The following ADD3 variants were observed in gnomAD, a reference collection of about 807,000 sequenced individuals.
ADD3 encodes the protein adducin 3, also known as gamma-adducin.
Under a neutral mutation model 80.2 loss-of-function variants are expected in ADD3, and 25 were observed. The observed-to-expected ratio is 0.31, with a 90% CI of 0.23 to 0.44. ADD3 has a LOEUF of 0.44. ADD3 is among the 20% of genes least tolerant of loss of function. The pLI, the probability that ADD3 is intolerant of heterozygous loss-of-function variation, is 1.00. For synonymous variants in ADD3, 284 were observed against 289.6 expected, an observed-to-expected ratio of 0.98 and a Z score of 0.20; for missense variants, 829 against 847.5, an observed-to-expected ratio of 0.98 and a Z score of 0.27.
chr10:110,092,500 A>G (rs887013561), intron 1 of ADD3, among the ~76,000 whole-genome samples: 1 of 152,338 alleles, frequency 6.6e-6, no homozygotes. Context: ...GTTCTCACCT[A>G]TAATGGTAAC....
intron 13 of ADD3, among the ~76,000 whole-genome samples, chr10:110,131,456 G>A (rs1289965024): frequency 2.0e-5 from 3 of 152,094 alleles, no homozygotes; most frequent in Non-Finnish European, 4.4e-5. Context: ...CCAAAAAGAG[G>A]GTAAGGAGCC....
chr10:110,048,349 G>A (rs1051298570), intron 1 of ADD3, among the ~76,000 whole-genome samples: 32 of 152,190 alleles, frequency 2.1e-4, no homozygotes, highest in African/African-American at 7.5e-4. Flanking sequence ...GGCACCAGGA[G>A]TGGGGTGCTG....
chr10:110,122,249 G>A lies in ADD3; in HGVS notation c.1100G>A (p.Gly367Asp), dbSNP rs564185858. The A allele has an allele frequency of 8.7e-6, 14 of 1,614,048 alleles. No homozygotes were observed. The highest frequency in any genetic ancestry group is 1.6e-4 in the Middle Eastern group (1 of 6,062). Residue 367 changes from glycine (G) to aspartate (D), a missense_variant, in exon 9 of 15, where the codon GGC (glycine) becomes GAC (aspartate). Coordinates refer to ENST00000356080, the MANE Select transcript of ADD3 (RefSeq NM_016824.5). ...NMGSHQKWKV[G>D]EIEFEGLMRT... The stretch of plus-strand genomic sequence containing the variant: ...GGTTCCCATCAAAAATGGAAGGTTG[G>A]CGAAATTGAGTTTGAAGGGCTTATG...
At chr10:110,087,210 G>A (rs1159871163) in intron 1 of ADD3, among the ~76,000 whole-genome samples, 2 of 151,950 alleles carry the variant, frequency 1.3e-5, no homozygotes, top group Non-Finnish European at 2.9e-5. Context: ...TGTATTTTTA[G>A]TAGGGATGGA....
At chr10:110,027,748 C>A (rs556446422) in intron 1 of ADD3, among the ~76,000 whole-genome samples, 213 of 152,198 alleles carry the variant, frequency 1.4e-3, no homozygotes, top group South Asian at 3.3e-3. Context: ...TTTGTATGCT[C>A]CCTCTATAAT....
intron 1 of ADD3, among the ~76,000 whole-genome samples, chr10:110,081,989 G>C (rs752869549): frequency 1.3e-5 from 2 of 152,186 alleles, no homozygotes; most frequent in African/African-American, 4.8e-5. Flanking sequence ...CATTTTAAAC[G>C]AGAGAAGGGG....
chr10:110,027,362 C>T (rs1854435026), intron 1 of ADD3, among the ~76,000 whole-genome samples: 1 of 152,066 alleles, frequency 6.6e-6, no homozygotes, highest in Admixed American at 6.5e-5. Context: ...TAGGAAGGCC[C>T]TGAAATAGTA....
At chr10:110,097,131 G>A (rs1214507248) in intron 1 of ADD3, among the ~76,000 whole-genome samples, 1 of 152,206 alleles carries the variant, frequency 6.6e-6, no homozygotes, top group Non-Finnish European at 1.5e-5. Context: ...GTTATACAAT[G>A]TTACTACCTC....
chr10:110,092,075 G>A (rs577579492), intron 1 of ADD3, among the ~76,000 whole-genome samples: 7 of 152,202 alleles, frequency 4.6e-5, no homozygotes, highest in Non-Finnish European at 8.8e-5. Flanking sequence ...TTATTAAAAT[G>A]TCAGAAAATA....
Position 110,112,774 on chromosome 10 carries a change from C to A in ADD3, c.196-3C>A. The A allele has an allele frequency of 6.2e-7, 1 of 1,611,684 alleles. No homozygotes were observed. Among genetic ancestry groups the A allele is most frequent in the South Asian group, 1.1e-5 (1 of 90,570 alleles). On this transcript the variant is annotated splice_polypyrimidine_tract_variant and splice_region_variant and intron_variant, in intron 2 of 14. Transcript: ENST00000356080. ...GCTCAGTCTTTATTTTTGTGTATTA[C>A]AGGCCTTTCGGGAAGACTTGGAATG...
intron 11 of ADD3, 126 bp downstream of exon 11, chr10:110,126,071 A>T: frequency 9.8e-7 from 1 of 1,025,096 alleles, no homozygotes; most frequent in Non-Finnish European, 1.4e-6. Flanking sequence ...AATTTAATTC[A>T]GTATAATTTT....
chr10:110,001,409 T>C (rs1371704947), upstream of ADD3, among the ~76,000 whole-genome samples: 1 of 93,810 alleles, frequency 1.1e-5, no homozygotes, highest in Admixed American at 1.4e-4. Flanking sequence ...AGTAAGACCC[T>C]GTCTCAAAAA....
At chr10:110,005,050 A>G (rs572629842), upstream of ADD3, among the ~76,000 whole-genome samples, 3 of 152,230 alleles carry the variant, frequency 2.0e-5, no homozygotes, top group East Asian at 3.9e-4. Flanking sequence ...TTTTCTATAC[A>G]TAATACTGTA....
intron 1 of ADD3, among the ~76,000 whole-genome samples, chr10:110,031,420 G>T (rs1032115632): frequency 1.3e-4 from 20 of 152,244 alleles, no homozygotes; most frequent in African/African-American, 4.3e-4. Context: ...CGAAGAAACA[G>T]ATTCAGATAC....
chr10:110,037,486 T>C (rs1196452107), intron 1 of ADD3, among the ~76,000 whole-genome samples: 1 of 151,312 alleles, frequency 6.6e-6, no homozygotes, highest in African/African-American at 2.4e-5. Context: ...GCACCTGTAG[T>C]CCCAGCTGCT....
In ADD3 at chr10:110,135,485, A is replaced by G. The variant is rs1428197377; in HGVS notation, c.*1867A>G. ...ATGAACCTCTGTGTCCTGTGGAAAA[A>G]TGTATAAATGTTATCTGATATTGCT... On this transcript the variant is annotated 3_prime_UTR_variant, in exon 15 of 15. Coordinates refer to ENST00000356080, the MANE Select transcript of ADD3 (RefSeq NM_016824.5). 6.6e-6 allele frequency: 1 copy of G among 152,628 alleles called. No homozygotes were observed. Among genetic ancestry groups the G allele is most frequent in the African/African-American group, 2.4e-5 (1 of 41,446 alleles). The allele number at this position is 152,628 out of a possible 1,614,324, so 9.5% of individuals were successfully genotyped here. A position where few individuals can be genotyped will look rare whatever the true frequency, so the allele number is the denominator to read the frequency against.
chr10:110,132,218 G>C, intron 13 of ADD3, 87 bp from the exon 14 acceptor site: 1 of 799,070 alleles, frequency 1.3e-6, no homozygotes, highest in Non-Finnish European at 2.1e-6. Flanking sequence ...TTGTATACAG[G>C]CATTTGATGT....
chr10:110,090,888 T>C (rs1847416860), intron 1 of ADD3, among the ~76,000 whole-genome samples: 1 of 152,198 alleles, frequency 6.6e-6, no homozygotes, highest in Non-Finnish European at 1.5e-5. Context: ...AAACTAAGGC[T>C]CAGTCCTAAC....
intron 1 of ADD3, among the ~76,000 whole-genome samples, chr10:110,048,110 T>C (rs1857098293): frequency 6.6e-6 from 1 of 152,168 alleles, no homozygotes; most frequent in African/African-American, 2.4e-5. Flanking sequence ...TGGTTGTCCT[T>C]AAGTCTCACG....
Sources: gnomAD v4.1 joint callset for allele counts (sites outside exome capture counted in the v4.1 genomes callset) on GRCh38, gnomAD v4.1.1 for gene constraint, MANE v1.5 for transcripts, NCBI Gene and HGNC (gene_info 2026-07-23, HGNC 2026-07-21) for gene names.